Variants in KMT5B observed in about 807,000 individuals in gnomAD.
KMT5B encodes histone-lysine N-methyltransferase KMT5B.
A neutral mutation model predicts 83.2 loss-of-function variants in KMT5B; 10 were observed. The ratio of observed to expected loss-of-function variants is 0.12; its 90% CI spans 0.07 to 0.20. The LOEUF (loss-of-function observed/expected upper bound fraction) is 0.20, where lower values mean the gene tolerates loss of function less well. Among genes scored for constraint, KMT5B ranks in the 10% least tolerant of loss-of-function variants. KMT5B has a pLI of 1.00. For synonymous variants in KMT5B, 349 were observed against 388.8 expected, an observed-to-expected ratio of 0.90 and a Z score of 1.20; for missense variants, 753 against 1,067.2, an observed-to-expected ratio of 0.71 and a Z score of 4.10.
chr11:68,180,118 C>A lies in KMT5B; in HGVS notation c.377+14G>T. 1 of 1,576,164 alleles carries A rather than the reference C, an allele frequency of 6.3e-7. No homozygotes were observed. Among genetic ancestry groups the A allele is most frequent in the Admixed American group, 1.8e-5 (1 of 56,482 alleles). ...TTAGTCAGTATCTCATTGTTTTTAA[C>A]ACACACTACCTACCTCACAGGGTTG... On this transcript the variant is annotated intron_variant, in intron 4 of 10. Transcript: ENST00000304363.
At chr11:68,208,168 G>T (rs566550759) in intron 1 of KMT5B, among the ~76,000 whole-genome samples, 2 of 149,084 alleles carry the variant, frequency 1.3e-5, no homozygotes, top group Non-Finnish European at 3.0e-5. Flanking sequence ...CTTCGCCCAA[G>T]CCAGGCACGG....
intron 3 of KMT5B, among the ~76,000 whole-genome samples, chr11:68,181,080 T>C (rs1221063193): frequency 1.3e-5 from 2 of 151,388 alleles, no homozygotes; most frequent in Non-Finnish European, 3.0e-5. Flanking sequence ...TTTTTCTTTT[T>C]TTTTTTTTTT....
intron 1 of KMT5B, among the ~76,000 whole-genome samples, chr11:68,197,045 A>C (rs1051570705): frequency 6.6e-6 from 1 of 151,620 alleles, no homozygotes; most frequent in Admixed American, 6.6e-5. Context: ...AACTCGGCTC[A>C]CTACAACCTC....
chr11:68,207,260 A>G (rs1460329360), intron 1 of KMT5B, among the ~76,000 whole-genome samples: 1 of 152,052 alleles, frequency 6.6e-6, no homozygotes, highest in Non-Finnish European at 1.5e-5. Context: ...CATCCTAAAC[A>G]TTCAGAGGGA....
intron 9 of KMT5B, among the ~76,000 whole-genome samples, chr11:68,168,787 T>C (rs1217547035): frequency 6.6e-6 from 1 of 152,194 alleles, no homozygotes; most frequent in Non-Finnish European, 1.5e-5. Flanking sequence ...ATTCCGTCCA[T>C]TCTCACTTCT....
intron 3 of KMT5B, among the ~76,000 whole-genome samples, chr11:68,183,243 TG>T: frequency 6.7e-6 from 1 of 149,714 alleles, no homozygotes; most frequent in East Asian, 1.9e-4. Flanking sequence ...AGAAAAACAC[TG>T]GGGGTGCTAC....
chr11:68,188,767 T>C (rs1475583136), intron 2 of KMT5B, among the ~76,000 whole-genome samples: 4 of 152,216 alleles, frequency 2.6e-5, no homozygotes, highest in African/African-American at 9.6e-5. Flanking sequence ...ACTTAAGATA[T>C]GCCTAGTTTG....
Position 68,156,619 on chromosome 11 carries a change from TTTC to T in KMT5B, c.*1066_*1068del, listed in dbSNP as rs1382489094. On this transcript the variant is annotated 3_prime_UTR_variant, in exon 11 of 11. Coordinates refer to ENST00000304363, the MANE Select transcript of KMT5B (RefSeq NM_017635.5). The stretch of plus-strand genomic sequence containing the variant: ...AAACCTTCCTGGTAAGTTCTTTTAA[TTTC>T]TTATGACAAAAATTTCTCACAACAC... 1.9e-4 allele frequency: 29 copies of T among 152,784 alleles called. No homozygotes were observed. Among genetic ancestry groups the T allele is most frequent in the African/African-American group, 7.0e-4 (29 of 41,588 alleles). 9.5% of individuals were successfully genotyped at this position (152,784 alleles called of 1,614,324 possible). A position where few individuals can be genotyped will look rare whatever the true frequency, so the allele number is the denominator to read the frequency against.
rs917378558 is a variant in KMT5B, at chr11:68,154,959, G to T, written c.*2729C>A. 2.6e-5 allele frequency: 4 copies of T among 152,060 alleles called. No homozygotes were observed. The highest frequency in any genetic ancestry group is 9.7e-5 in the African/African-American group (4 of 41,396). The allele number at this position is 152,060 out of a possible 1,614,324, so 9.4% of individuals were successfully genotyped here. ...AAAATGTTTTTAATGAAACGTTAAA[G>T]AACTTACCTCAAATGCTGAAAAAGT... On this transcript the variant is annotated 3_prime_UTR_variant, in exon 11 of 11. Coordinates refer to ENST00000304363, the MANE Select transcript of KMT5B (RefSeq NM_017635.5).
At chr11:68,166,290 TTC>T in intron 10 of KMT5B, 1 of 1,103,644 alleles carries the variant, frequency 9.1e-7, no homozygotes, top group African/African-American at 1.6e-5. Flanking sequence ...TCTCTTTCCT[TTC>T]TCTTTGTTTA....
At chr11:68,196,151 T>C (rs1479189765) in intron 1 of KMT5B, among the ~76,000 whole-genome samples, 3 of 152,038 alleles carry the variant, frequency 2.0e-5, no homozygotes, top group Non-Finnish European at 4.4e-5. Flanking sequence ...AGCAAGACCC[T>C]GTCTAAAATA....
chr11:68,192,222 C>CA (rs1858169897), intron 1 of KMT5B, among the ~76,000 whole-genome samples: 2 of 152,198 alleles, frequency 1.3e-5, no homozygotes, highest in Non-Finnish European at 1.5e-5. Flanking sequence ...TGCACGATAA[C>CA]AAAATCACCT....
chr11:68,163,467 C>T (rs915205647), intron 10 of KMT5B, among the ~76,000 whole-genome samples: 3 of 152,222 alleles, frequency 2.0e-5, no homozygotes, highest in African/African-American at 4.8e-5. Context: ...AAAGGCCCCA[C>T]TGCATGGCTA....
At chr11:68,213,465 C>G (rs1033516025), upstream of KMT5B, 4 of 148,644 alleles carry the variant, frequency 2.7e-5, no homozygotes, top group Middle Eastern at 3.2e-3. Flanking sequence ...GCCCCGCCAC[C>G]CGGGGCCTCA....
chr11:68,160,410 T>A (rs1431646735), intron 10 of KMT5B, among the ~76,000 whole-genome samples: 1 of 152,230 alleles, frequency 6.6e-6, no homozygotes, highest in African/African-American at 2.4e-5. Context: ...AACTTCTTCC[T>A]AATCAAAACA....
chr11:68,168,071 G>C (rs1208676990), intron 9 of KMT5B, among the ~76,000 whole-genome samples: 1 of 152,184 alleles, frequency 6.6e-6, no homozygotes, highest in African/African-American at 2.4e-5. Flanking sequence ...AGCTACTCGG[G>C]AGGCTGAGGC....
At chr11:68,166,234 AGCT>A (rs1855307793) in intron 10 of KMT5B, 1 of 1,239,070 alleles carries the variant, frequency 8.1e-7, no homozygotes, top group South Asian at 2.7e-5. Context: ...AATATTTCAA[AGCT>A]CCGCAAACAG....
At chr11:68,201,469 T>C (rs956575621) in intron 1 of KMT5B, among the ~76,000 whole-genome samples, 3 of 152,178 alleles carry the variant, frequency 2.0e-5, no homozygotes, top group Non-Finnish European at 4.4e-5. Flanking sequence ...AGATTATAAA[T>C]TGTTGAGTGA....
At position 68,157,479 on chromosome 11, in the gene KMT5B, CG is replaced by C; in HGVS notation, c.*208del. ...GCTTTACCTCTAACTCAGAATTGCA[CG>C]TAAGAAGGCTATTTAAAAAGTACGA... On this transcript the variant is annotated 3_prime_UTR_variant, in exon 11 of 11. Transcript: ENST00000304363. 1.5e-6 allele frequency: 1 copy of C among 645,364 alleles called. No individual in the cohort carries two copies. The highest frequency in any genetic ancestry group is 2.2e-6 in the Non-Finnish European group (1 of 452,012). The allele number at this position is 645,364 out of a possible 1,614,324, so 40.0% of individuals were successfully genotyped here.
Sources: gnomAD v4.1 joint callset for allele counts (sites outside exome capture counted in the v4.1 genomes callset) on GRCh38, gnomAD v4.1.1 for gene constraint, MANE v1.5 for transcripts, NCBI Gene and HGNC (gene_info 2026-07-23, HGNC 2026-07-21) for gene names.